Variants in CPE observed in about 807,000 individuals in gnomAD.
CPE encodes carbocypeptidase E.
CPE carries 17 observed loss-of-function variants against 53.5 expected under a neutral mutation model. That is an observed-to-expected ratio of 0.32 (90% confidence interval 0.22 to 0.48). The LOEUF is 0.48. CPE is among the 20% of genes least tolerant of loss of function. The pLI is 0.99. For synonymous variants in CPE, 226 were observed against 228.8 expected, an observed-to-expected ratio of 0.99 and a Z score of 0.11; for missense variants, 524 against 614.7, an observed-to-expected ratio of 0.85 and a Z score of 1.56.
At chr4:165,494,162 T>C (rs1430930817) in intron 7 of CPE, among the ~76,000 whole-genome samples, 2 of 152,246 alleles carry the variant, frequency 1.3e-5, no homozygotes, top group Non-Finnish European at 2.9e-5. Flanking sequence ...CCAGCCAGTA[T>C]GCCAGAATCT....
rs140724941 is a variant in CPE at position 165,467,930 on chromosome 4, G to T, written c.672+75G>T. 35 of 1,496,524 alleles carry T rather than the reference G, an allele frequency of 2.3e-5. No individual in the cohort carries two copies. The African/African-American group carries it at 4.0e-4, about 17-fold the overall frequency. 92.7% of individuals were successfully genotyped at this position (1,496,524 alleles called of 1,614,324 possible). A position where few individuals can be genotyped will look rare whatever the true frequency, so the allele number is the denominator to read the frequency against. Reference sequence around the variant, plus strand: ...TATGTTCCAATATCTTCATCATCATGAAGGACAGAGGAGTAACATCACAGC... The same window carrying T: ...TATGTTCCAATATCTTCATCATCATTAAGGACAGAGGAGTAACATCACAGC... On this transcript the variant is annotated intron_variant, in intron 3 of 8. Transcript: ENST00000402744.
chr4:165,493,382 T>C, intron 7 of CPE, 112 bp downstream of exon 7: 1 of 740,370 alleles, frequency 1.4e-6, no homozygotes, highest in Non-Finnish European at 2.2e-6. Flanking sequence ...CTCGTATCTC[T>C]ACAGCGTTTC....
rs1730472331 is a variant in CPE, at chr4:165,379,752, A to G, written c.307+224A>G. On this transcript the variant is annotated intron_variant, in intron 1 of 8. Transcript: ENST00000402744. The surrounding 1 kb of genome is among the most constrained non-coding windows in gnomAD (Gnocchi z 6.0). ...TTCTGCTTTCCCGTCCCATCCCCCC[A>G]GCACCAATCCCATCTCCCCAGACCT... 6.6e-6 allele frequency among the ~76,000 whole-genome samples: 1 copy of G among 152,300 alleles called. No individual in the cohort carries two copies. The highest frequency in any genetic ancestry group is 1.5e-5 in the Non-Finnish European group (1 of 68,018).
At chr4:165,455,655 A>T (rs74581353) in intron 1 of CPE, among the ~76,000 whole-genome samples, 3 of 142,092 alleles carry the variant, frequency 2.1e-5, no homozygotes, top group African/African-American at 8.1e-5. Flanking sequence ...AGTCAAAGGT[A>T]TTTTTTTTTT....
intron 1 of CPE, among the ~76,000 whole-genome samples, chr4:165,448,003 T>C (rs1237721498): frequency 6.6e-6 from 1 of 152,150 alleles, no homozygotes; most frequent in Non-Finnish European, 1.5e-5. Context: ...TGACTGTACA[T>C]TGATTTTACT....
intron 2 of CPE, among the ~76,000 whole-genome samples, chr4:165,466,351 C>A (rs1732103620): frequency 6.6e-6 from 1 of 152,044 alleles, no homozygotes; most frequent in Non-Finnish European, 1.5e-5. Flanking sequence ...ATGAATGGAG[C>A]CAGAAGTTGC....
At chr4:165,489,935 G>A (rs1219293015) in intron 6 of CPE, among the ~76,000 whole-genome samples, 1 of 152,200 alleles carries the variant, frequency 6.6e-6, no homozygotes, top group Non-Finnish European at 1.5e-5. Context: ...TCATTAGGAT[G>A]CAAACTGTGT....
intron 4 of CPE, 115 bp from the exon 5 acceptor site, chr4:165,484,307 T>C (rs1732465905): frequency 1.1e-6 from 1 of 947,728 alleles, no homozygotes; most frequent in Admixed American, 2.6e-5. Flanking sequence ...CATAGTTATG[T>C]AGCTAAAAAA....
chr4:165,406,112 T>G (rs528113850), intron 1 of CPE: 1 of 757,110 alleles, frequency 1.3e-6, no homozygotes, highest in East Asian at 2.5e-5. Flanking sequence ...AGCCCAGATT[T>G]CATTCATAAC....
At chr4:165,385,297 C>T (rs867070807) in intron 1 of CPE, among the ~76,000 whole-genome samples, 4 of 152,158 alleles carry the variant, frequency 2.6e-5, no homozygotes, top group African/African-American at 9.7e-5. Context: ...AGAGTAGGCA[C>T]TCTTGGCTGC....
At chr4:165,490,629 CAAAAAAAAAA>C (rs36034365) in intron 6 of CPE, among the ~76,000 whole-genome samples, 2 of 41,010 alleles carry the variant, frequency 4.9e-5, no homozygotes, top group Non-Finnish European at 1.0e-4. Context: ...GACTCCGTCT[CAAAAAAAAAA>C]AAAAAAAAAA....
intron 1 of CPE, among the ~76,000 whole-genome samples, chr4:165,411,089 G>A (rs1170337233): frequency 6.6e-6 from 1 of 152,202 alleles, no homozygotes; most frequent in Non-Finnish European, 1.5e-5. Flanking sequence ...CTTGAGCATA[G>A]TATGACTTAA....
At chr4:165,484,302 T>C in intron 4 of CPE, 120 bp from the exon 5 acceptor site, 2 of 919,478 alleles carry the variant, frequency 2.2e-6, no homozygotes, top group Middle Eastern at 4.6e-4. Flanking sequence ...TTTCCCATAG[T>C]TATGTAGCTA....
intron 1 of CPE, among the ~76,000 whole-genome samples, chr4:165,438,809 T>A (rs1196100364): frequency 6.6e-6 from 1 of 152,194 alleles, no homozygotes; most frequent in African/African-American, 2.4e-5. Context: ...TTTGGATTTC[T>A]TGGCACTCAT....
At chr4:165,454,942 A>C (rs764234008) in intron 1 of CPE, among the ~76,000 whole-genome samples, 2 of 152,224 alleles carry the variant, frequency 1.3e-5, no homozygotes, top group Non-Finnish European at 2.9e-5. Context: ...CTTGTCTCTT[A>C]GATATCTTTC....
intron 1 of CPE, among the ~76,000 whole-genome samples, chr4:165,462,237 A>G (rs1203411881): frequency 6.6e-6 from 1 of 152,236 alleles, no homozygotes; most frequent in Non-Finnish European, 1.5e-5. Flanking sequence ...ATCCCAAAGC[A>G]TTCACATTCG....
intron 1 of CPE, among the ~76,000 whole-genome samples, chr4:165,418,710 T>C (rs905245227): frequency 6.6e-6 from 1 of 152,302 alleles, no homozygotes. Context: ...CTCCCAAGAA[T>C]GTTAATAGAT....
chr4:165,432,243 A>G (rs1731420899), intron 1 of CPE, among the ~76,000 whole-genome samples: 1 of 152,210 alleles, frequency 6.6e-6, no homozygotes, highest in Non-Finnish European at 1.5e-5. Context: ...CGGATGTGCT[A>G]GGCAAGAAGA....
intron 1 of CPE, among the ~76,000 whole-genome samples, chr4:165,390,097 G>A (rs1730656603): frequency 6.6e-6 from 1 of 152,170 alleles, no homozygotes; most frequent in Admixed American, 6.5e-5. Context: ...CAGCTGCAAG[G>A]CAAATAGTTA....
Sources: allele counts gnomAD v4.1 joint callset (sites outside exome capture counted in the v4.1 genomes callset), GRCh38; gene constraint gnomAD v4.1.1; non-coding constraint Gnocchi (gnomAD v3.1); transcripts MANE v1.5; gene names NCBI Gene and HGNC (gene_info 2026-07-23, HGNC 2026-07-21).